The following CDH2 variants were observed in gnomAD, a reference collection of about 807,000 sequenced individuals.
CDH2 encodes the protein cadherin 2.
In CDH2, 17 loss-of-function variants were observed where a neutral mutation model predicts 92.0. That is an observed-to-expected ratio of 0.18 (90% CI 0.13 to 0.28). CDH2 has a LOEUF of 0.28. Among genes scored for constraint, CDH2 ranks in the 10% least tolerant of loss-of-function variants. The probability of loss-of-function intolerance (pLI) is 1.00; values close to 1 mark genes in which losing one functional copy is unlikely to be tolerated. For synonymous variants in CDH2, 419 were observed against 415.9 expected, an observed-to-expected ratio of 1.01 and a Z score of -0.09; for missense variants, 862 against 1,133.1, an observed-to-expected ratio of 0.76 and a Z score of 3.44.
rs558813529 is a variant in CDH2 at position 28,114,376 on chromosome 18, T to C, written c.172+33297A>G. On this transcript the variant is annotated intron_variant, in intron 2 of 15. Coordinates refer to ENST00000269141, the MANE Select transcript of CDH2 (RefSeq NM_001792.5). ...TAGATGGGGCAAGAGAACTGGATCT[T>C]AGAGTACTTCCAATTGATTCCAAGC... 2.0e-5 allele frequency among the ~76,000 whole-genome samples: 3 copies of C among 152,278 alleles called. No individual in the cohort carries two copies. The South Asian group carries it at 6.2e-4, about 32-fold the overall frequency.
Position 27,985,598 on chromosome 18 carries a change from T to C in CDH2, c.1905A>G (p.Gly635=), listed in dbSNP as rs2012203696. 3 of 1,614,072 alleles carry C rather than the reference T, an allele frequency of 1.9e-6. No individual in the cohort carries two copies. In the East Asian group the frequency reaches 6.7e-5, roughly 36 times the overall value. ...ATAAAGGAAGATCAAAAGCAAATGG[T>C]CCAGCATTTGGATCAATGTCATAAT... is the stretch of plus-strand genomic sequence containing the variant. ...ALDYDIDPNA[G]PFAFDLPLSP... is the part of the protein sequence containing the mutation. Residue 635 remains glycine, a synonymous_variant, in exon 12 of 16, where the codon GGA becomes GGG. Transcript: ENST00000269141.
chr18:28,033,679 A>G (rs2013754888), intron 2 of CDH2, among the ~76,000 whole-genome samples: 1 of 152,150 alleles, frequency 6.6e-6, no homozygotes, highest in Non-Finnish European at 1.5e-5. Context: ...ATTCAAAAAT[A>G]CACAATATAA....
chr18:28,074,917 A>G (rs1440777512), intron 2 of CDH2, among the ~76,000 whole-genome samples: 1 of 152,160 alleles, frequency 6.6e-6, no homozygotes, highest in Non-Finnish European at 1.5e-5. Context: ...CTGAGTTAAC[A>G]GTGTGTCAAA....
intron 2 of CDH2, among the ~76,000 whole-genome samples, chr18:28,094,792 TAAAAAA>T (rs35744873): frequency 2.4e-5 from 2 of 82,386 alleles, no homozygotes; most frequent in Non-Finnish European, 4.5e-5. Flanking sequence ...AGACTCTGTC[TAAAAAA>T]AAAAAAAAAA....
chr18:28,118,561 T>G (rs1004760663), intron 2 of CDH2, among the ~76,000 whole-genome samples: 13 of 151,870 alleles, frequency 8.6e-5, no homozygotes, highest in African/African-American at 2.7e-4. Flanking sequence ...GCATTTACAG[T>G]TTAATTAGTC....
At chr18:28,019,686 T>A (rs183619635) in intron 2 of CDH2, among the ~76,000 whole-genome samples, 1 of 152,266 alleles carries the variant, frequency 6.6e-6, no homozygotes, top group East Asian at 1.9e-4. Flanking sequence ...TTCTATCACC[T>A]CTGCCCCTAA....
intron 2 of CDH2, among the ~76,000 whole-genome samples, chr18:28,079,201 C>A (rs547882892): frequency 6.6e-5 from 10 of 152,344 alleles, no homozygotes; most frequent in Non-Finnish European, 1.2e-4. Context: ...TCCCCCTCAT[C>A]ATCATCCATG....
chr18:28,003,427 G>A (rs2144011259), intron 6 of CDH2, among the ~76,000 whole-genome samples: 1 of 152,116 alleles, frequency 6.6e-6, no homozygotes, highest in Non-Finnish European at 1.5e-5. Context: ...TAACTTAGAA[G>A]ATAAATTCAC....
chr18:28,002,015 C>T (rs57491800), intron 7 of CDH2, among the ~76,000 whole-genome samples: 1 of 152,206 alleles, frequency 6.6e-6, no homozygotes, highest in East Asian at 1.9e-4. Flanking sequence ...ACAGATCTCC[C>T]TATGAGTTGG....
At chr18:27,966,917 T>C (rs1417704416) in intron 14 of CDH2, among the ~76,000 whole-genome samples, 1 of 152,182 alleles carries the variant, frequency 6.6e-6, no homozygotes, top group African/African-American at 2.4e-5. Flanking sequence ...GTGATGATAC[T>C]TATGCCAGAT....
intron 14 of CDH2, among the ~76,000 whole-genome samples, chr18:27,967,721 T>C (rs758707209): frequency 5.3e-4 from 80 of 152,270 alleles, no homozygotes; most frequent in African/African-American, 1.8e-3. Flanking sequence ...TTTGAGAATA[T>C]TAACACTGCA....
chr18:28,005,836 T>A lies in CDH2; in HGVS notation c.847+13A>T. ...TCCTCAAGTCATCTTCAAATTATTA[T>A]CTTTAAACTTACCAGGCTTTGATCC... On this transcript the variant is annotated intron_variant, in intron 6 of 15. Transcript: ENST00000269141. 6.2e-7 allele frequency: 1 copy of A among 1,602,064 alleles called. No individual in the cohort carries two copies.
intron 2 of CDH2, among the ~76,000 whole-genome samples, chr18:28,034,347 G>A (rs1020839404): frequency 6.6e-6 from 1 of 152,060 alleles, no homozygotes; most frequent in African/African-American, 2.4e-5. Context: ...TGTTCATGCT[G>A]AGCAGTCATT....
At chr18:28,088,173 G>A (rs182140850) in intron 2 of CDH2, among the ~76,000 whole-genome samples, 54 of 152,080 alleles carry the variant, frequency 3.6e-4, no homozygotes, top group Non-Finnish European at 6.3e-4. Flanking sequence ...ACAAAAACAG[G>A]GTAAAGAAAA....
intron 2 of CDH2, 152 bp downstream of exon 2, chr18:28,147,521 T>C (rs1262091404): frequency 8.6e-6 from 4 of 464,448 alleles, no homozygotes; most frequent in Middle Eastern, 5.4e-4. Flanking sequence ...AGCTCTTCTG[T>C]AATCCTAAAA....
At chr18:28,143,181 G>T (rs1003786860) in intron 2 of CDH2, among the ~76,000 whole-genome samples, 1 of 151,968 alleles carries the variant, frequency 6.6e-6, no homozygotes, top group Non-Finnish European at 1.5e-5. Flanking sequence ...CAGATTCAGA[G>T]GAGTTTACTT....
chr18:28,008,065 C>G (rs1345946768), intron 5 of CDH2, among the ~76,000 whole-genome samples: 1 of 152,086 alleles, frequency 6.6e-6, no homozygotes, highest in Non-Finnish European at 1.5e-5. Context: ...AAGTAGCAAG[C>G]ACTTAGCAAT....
At chr18:28,004,484 C>A (rs1234637496) in intron 6 of CDH2, among the ~76,000 whole-genome samples, 1 of 152,108 alleles carries the variant, frequency 6.6e-6, no homozygotes, top group Non-Finnish European at 1.5e-5. Context: ...CTAGCAATAG[C>A]TGACAGTCTT....
At position 28,147,796 on chromosome 18, in the gene CDH2, G is replaced by GA. The variant is rs748046882; in HGVS notation, c.61-13dup. On this transcript the variant is annotated splice_polypyrimidine_tract_variant and intron_variant, in intron 1 of 15. Transcript: ENST00000269141. ...GCCTCTACAGACGCCTGCAACACAA[G>GA]AAAAAAAAAAAAAATGTGTGCAATG... The GA allele has an allele frequency of 0.11, 117,281 of 1,036,760 alleles. No individual in the cohort carries two copies. Among genetic ancestry groups the GA allele is most frequent in the South Asian group, 0.13 (8,283 of 63,636 alleles). 64.2% of individuals were successfully genotyped at this position (1,036,760 alleles called of 1,614,324 possible). A position where few individuals can be genotyped will look rare whatever the true frequency, so the allele number is the denominator to read the frequency against.
Sources: gnomAD v4.1 joint callset for allele counts (sites outside exome capture counted in the v4.1 genomes callset) on GRCh38, gnomAD v4.1.1 for gene constraint, MANE v1.5 for transcripts, NCBI Gene and HGNC (gene_info 2026-07-23, HGNC 2026-07-21) for gene names.